Variants in AFF1 observed in about 807,000 individuals in gnomAD.
AFF1 encodes AF4/FMR2 family member 1.
Under a neutral mutation model 121.7 loss-of-function variants are expected in AFF1, and 48 were observed. The ratio of observed to expected loss-of-function variants is 0.39; its 90% confidence interval spans 0.31 to 0.50. The LOEUF (loss-of-function observed/expected upper bound fraction) is 0.50. AFF1 is among the 20% of genes least tolerant of loss of function. AFF1 has a pLI of 0.76. For synonymous variants in AFF1, 613 were observed against 563.0 expected (o/e 1.09, Z -1.26); for missense variants, 1,523 against 1,511.7 (o/e 1.01, Z -0.12).
At chr4:87,062,639 T>G (rs570498092) in intron 4 of AFF1, among the ~76,000 whole-genome samples, 79 of 152,330 alleles carry the variant, frequency 5.2e-4, no homozygotes, top group African/African-American at 1.8e-3. Context: ...AAATTACTTA[T>G]TTTTATAGCC....
At chr4:87,095,595 G>A (rs1398266009) in intron 8 of AFF1, among the ~76,000 whole-genome samples, 1 of 152,194 alleles carries the variant, frequency 6.6e-6, no homozygotes, top group Non-Finnish European at 1.5e-5. Context: ...TTAGAAACAA[G>A]TTTTGGGGGA....
intron 2 of AFF1, among the ~76,000 whole-genome samples, chr4:87,021,552 C>G (rs1727899294): frequency 6.6e-6 from 1 of 152,206 alleles, no homozygotes; most frequent in Admixed American, 6.5e-5. Context: ...ATCCCACTTT[C>G]TGGCAGACTT....
At chr4:86,943,679 G>T (rs1720631039) in intron 1 of AFF1, among the ~76,000 whole-genome samples, 1 of 151,786 alleles carries the variant, frequency 6.6e-6, no homozygotes, top group Non-Finnish European at 1.5e-5. Flanking sequence ...ACAAAAATTA[G>T]CCGGGTGCAG....
rs1727823692 is a variant in AFF1, at chr4:87,020,823, G to A, written c.39-25343G>A. On this transcript the variant is annotated intron_variant, in intron 2 of 20. Transcript: ENST00000395146. ...TGCACAGGTAGTCATCATTGTTAAC[G>A]TCGTCTTTTCAAATTGTCCTGTTTG... 1.3e-5 allele frequency: 13 copies of A among 985,156 alleles called. No individual in the cohort carries two copies. The South Asian group carries it at 2.8e-4, about 21-fold the overall frequency. 61.0% of individuals were successfully genotyped at this position (985,156 alleles called of 1,614,324 possible).
rs547596944 is a variant in AFF1 at position 87,136,185 on chromosome 4, G to A, written c.*484G>A. 6 of 232,298 alleles carry A rather than the reference G, an allele frequency of 2.6e-5. No individual in the cohort carries two copies. The highest frequency in any genetic ancestry group is 2.3e-4 in the Admixed American group (4 of 17,750). 14.4% of individuals were successfully genotyped at this position (232,298 alleles called of 1,614,324 possible). On this transcript the variant is annotated 3_prime_UTR_variant, in exon 21 of 21. Coordinates refer to ENST00000395146, the MANE Select transcript of AFF1 (RefSeq NM_001166693.3). Reference sequence around the variant, plus strand: ...TGATTTTTTTTCTTTTGAGTTTTGGGAGAAATATTTGTTTAGTAACTTCTA... The same window carrying A: ...TGATTTTTTTTCTTTTGAGTTTTGGAAGAAATATTTGTTTAGTAACTTCTA...
In AFF1 at chr4:86,952,685, A is replaced by C. The variant is rs1304146559; in HGVS notation, c.38+4114A>C. Among the ~76,000 whole-genome samples, 3 of 142,074 alleles carry C rather than the reference A, an allele frequency of 2.1e-5. No homozygotes were observed. In the South Asian group the frequency reaches 6.5e-4, roughly 31 times the overall value. 93.2% of individuals were successfully genotyped at this position (142,074 alleles called of 152,430 possible). A position where few individuals can be genotyped will look rare whatever the true frequency, so the allele number is the denominator to read the frequency against. Reference sequence around the variant, plus strand: ...AAAAAAAACAAAAAAACAAAAACACAACTTTTTTTTTTTTTTTTTTTGAGA... The same window carrying C: ...AAAAAAAACAAAAAAACAAAAACACCACTTTTTTTTTTTTTTTTTTTGAGA... On this transcript the variant is annotated intron_variant, in intron 2 of 20. Transcript: ENST00000395146.
chr4:86,963,494 G>T (rs17012200), intron 2 of AFF1, among the ~76,000 whole-genome samples: 1 of 151,982 alleles, frequency 6.6e-6, no homozygotes, highest in African/African-American at 2.4e-5. Context: ...CTTGCGTTCA[G>T]GTTACTATGT....
chr4:87,069,648 C>T (rs1471038577), intron 4 of AFF1, among the ~76,000 whole-genome samples: 1 of 150,874 alleles, frequency 6.6e-6, no homozygotes, highest in African/African-American at 2.4e-5. Flanking sequence ...TTTTTCTCTT[C>T]TCCTTCCCCT....
intron 2 of AFF1, among the ~76,000 whole-genome samples, chr4:86,964,032 A>G (rs534059017): frequency 2.2e-5 from 3 of 138,460 alleles, no homozygotes; most frequent in African/African-American, 8.2e-5. Flanking sequence ...TGCCCAAGCT[A>G]GTTCTGAACT....
At chr4:86,994,331 T>C (rs1025235325) in intron 2 of AFF1, among the ~76,000 whole-genome samples, 2 of 152,248 alleles carry the variant, frequency 1.3e-5, no homozygotes. Context: ...CTTCACACAC[T>C]TCTCATGGTC....
rs749445953 is a variant in AFF1, at chr4:87,046,199, TAGAG to T, written c.76_79del (p.Glu26ArgfsTer48). The T allele has an allele frequency of 6.2e-7, 1 of 1,613,832 alleles. No homozygotes were observed. Among genetic ancestry groups the T allele is most frequent in the Non-Finnish European group, 8.5e-7 (1 of 1,179,918 alleles). On this transcript the variant is annotated frameshift_variant, in exon 3 of 21. Coordinates refer to ENST00000395146, the MANE Select transcript of AFF1 (RefSeq NM_001166693.3). LOFTEE classifies it high-confidence loss of function. Reference sequence around the variant, plus strand: ...ATGACGACAGAAACCTGCTTCGAATTAGAGAGAAGGAAAGACGCAACCAGGAAGC... The same window carrying T: ...ATGACGACAGAAACCTGCTTCGAATTAGAAGGAAAGACGCAACCAGGAAGC...
chr4:87,071,596 G>T (rs1722062030), intron 4 of AFF1, among the ~76,000 whole-genome samples: 1 of 152,152 alleles, frequency 6.6e-6, no homozygotes, highest in Admixed American at 6.5e-5. Context: ...GGTGGCTCCA[G>T]GATTGTTCTC....
intron 2 of AFF1, among the ~76,000 whole-genome samples, chr4:86,985,216 A>ATAT (rs1724145245): frequency 1.3e-5 from 1 of 78,698 alleles, no homozygotes; most frequent in South Asian, 3.2e-4. Flanking sequence ...TATATATATA[A>ATAT]AATTATATTT....
chr4:87,005,123 G>A (rs1440892400), intron 2 of AFF1, among the ~76,000 whole-genome samples: 1 of 152,128 alleles, frequency 6.6e-6, no homozygotes, highest in East Asian at 1.9e-4. Flanking sequence ...TCAGAGATGC[G>A]TGCCACTATG....
intron 3 of AFF1, among the ~76,000 whole-genome samples, 165 bp from the exon 4 acceptor site, chr4:87,046,530 A>G (rs1730708731): frequency 6.6e-6 from 1 of 152,218 alleles, no homozygotes; most frequent in East Asian, 1.9e-4. Flanking sequence ...ATATGTATCC[A>G]TGGTAGTCTT....
intron 1 of AFF1, among the ~76,000 whole-genome samples, chr4:86,941,196 A>G (rs1720427439): frequency 6.6e-6 from 1 of 152,134 alleles, no homozygotes; most frequent in African/African-American, 2.4e-5. Flanking sequence ...AAGGCTGTTC[A>G]CCATACAAAC....
chr4:86,956,426 T>C (rs1270697003), intron 2 of AFF1, among the ~76,000 whole-genome samples: 2 of 152,214 alleles, frequency 1.3e-5, no homozygotes, highest in Non-Finnish European at 2.9e-5. Flanking sequence ...ACAAGTGGCA[T>C]AGTCATCTTA....
chr4:87,082,425 C>T (rs568306341), intron 4 of AFF1, among the ~76,000 whole-genome samples: 17 of 152,254 alleles, frequency 1.1e-4, no homozygotes, highest in Middle Eastern at 6.8e-3. Flanking sequence ...CCAGTGGATC[C>T]TGCCAGATGT....
At chr4:86,954,852 A>T (rs1721626883) in intron 2 of AFF1, among the ~76,000 whole-genome samples, 1 of 152,242 alleles carries the variant, frequency 6.6e-6, no homozygotes, top group South Asian at 2.1e-4. Context: ...TCTGAAGCAG[A>T]AGAAAATCCA....
Sources: allele counts gnomAD v4.1 joint callset (sites outside exome capture counted in the v4.1 genomes callset), GRCh38; gene constraint gnomAD v4.1.1; transcripts MANE v1.5; gene names NCBI Gene and HGNC (gene_info 2026-07-23, HGNC 2026-07-21).